Variants in FABP12 observed in about 807,000 individuals in gnomAD.
FABP12 encodes the protein fatty acid-binding protein 12.
In FABP12, 19 loss-of-function variants were observed where a neutral mutation model predicts 13.7. The ratio of observed to expected loss-of-function variants is 1.39; its 90% CI spans 0.97 to 2.04. FABP12 has a LOEUF of 2.04. Among genes scored for constraint, FABP12 ranks in the 30% most tolerant of loss-of-function variants. The probability of loss-of-function intolerance (pLI) is 0.00; values close to 1 mark genes in which losing one functional copy is unlikely to be tolerated. For missense variants in FABP12, 182 were observed against 164.2 expected (o/e 1.11, Z -0.59); for synonymous variants, 61 against 57.0 (o/e 1.07, Z -0.32).
intron 1 of FABP12, among the ~76,000 whole-genome samples, chr8:81,585,388 G>T (rs1253916096): frequency 6.6e-6 from 1 of 152,068 alleles, no homozygotes; most frequent in African/African-American, 2.4e-5. Flanking sequence ...AAATGAGTTG[G>T]CTGTAAATAT....
At chr8:81,546,457 T>A (rs1481761108) in intron 1 of FABP12, among the ~76,000 whole-genome samples, 2 of 148,716 alleles carry the variant, frequency 1.3e-5, no homozygotes, top group East Asian at 4.0e-4. Context: ...ATGTAGACCA[T>A]CCTGGCTAAC....
At position 81,559,028 on chromosome 8, in the gene FABP12, A is replaced by C. The variant is rs377441011; in HGVS notation, c.-184-19285T>G. 2.6e-5 allele frequency among the ~76,000 whole-genome samples: 4 copies of C among 152,136 alleles called. No homozygotes were observed. The South Asian group carries it at 6.2e-4, about 24-fold the overall frequency. On this transcript the variant is annotated intron_variant, in intron 1 of 5. Coordinates refer to the FABP12 transcript ENST00000692030. Reference sequence around the variant, plus strand: ...ACCTCCAAACTTACACACTACACTCAGCCAAACACAAACTTGATCTGAGAA... The same window carrying C: ...ACCTCCAAACTTACACACTACACTCCGCCAAACACAAACTTGATCTGAGAA...
intron 1 of FABP12, among the ~76,000 whole-genome samples, chr8:81,553,019 T>A (rs189730337): frequency 1.3e-5 from 2 of 152,276 alleles, no homozygotes; most frequent in East Asian, 3.9e-4. Context: ...GATTTGTGAA[T>A]CTTTAATGTA....
chr8:81,539,749 G>A (rs1809301095), intron 1 of FABP12, among the ~76,000 whole-genome samples: 1 of 152,130 alleles, frequency 6.6e-6, no homozygotes, highest in Non-Finnish European at 1.5e-5. Flanking sequence ...AATTCCTGGA[G>A]GGATGAATAA....
rs372838209 is a variant in FABP12, at chr8:81,545,124, G to A, written c.-184-5381C>T. Among the ~76,000 whole-genome samples, 6 of 152,236 alleles carry A rather than the reference G, an allele frequency of 3.9e-5. No individual in the cohort carries two copies. In the East Asian group the frequency reaches 5.8e-4, roughly 15 times the overall value. ...CAACCTCCACCTCTCGGGTTCAAGC[G>A]ATTCTCCTGCCTCAGCCTCCCAAAT... On this transcript the variant is annotated intron_variant, in intron 1 of 5. Coordinates refer to the FABP12 transcript ENST00000692030.
chr8:81,566,527 C>T (rs1809823874), intron 1 of FABP12, among the ~76,000 whole-genome samples: 1 of 152,020 alleles, frequency 6.6e-6, no homozygotes, highest in African/African-American at 2.4e-5. Context: ...GCAAATCAAT[C>T]AGTGTGGTAC....
At chr8:81,527,370 C>CT (rs61074668) in intron 3 of FABP12, among the ~76,000 whole-genome samples, 41 of 151,058 alleles carry the variant, frequency 2.7e-4, no homozygotes, top group Middle Eastern at 3.4e-3. Flanking sequence ...CTTTCTTTTT[C>CT]TTTTTTTTTG....
chr8:81,532,725 G>A (rs1055780238), intron 1 of FABP12, among the ~76,000 whole-genome samples: 1 of 152,208 alleles, frequency 6.6e-6, no homozygotes, highest in African/African-American at 2.4e-5. Flanking sequence ...GGAGGCTGAG[G>A]CAGAAGAATC....
chr8:81,556,704 A>T (rs866206245), intron 1 of FABP12, among the ~76,000 whole-genome samples: 13 of 148,452 alleles, frequency 8.8e-5, no homozygotes, highest in African/African-American at 2.9e-4. Flanking sequence ...ATATGTGGCT[A>T]TCAAACCTTA....
intron 1 of FABP12, among the ~76,000 whole-genome samples, chr8:81,548,702 C>T (rs1809476448): frequency 6.6e-6 from 1 of 152,074 alleles, no homozygotes; most frequent in Non-Finnish European, 1.5e-5. Flanking sequence ...TGGTAATCAT[C>T]AGGAGAGAAT....
rs1808857966 is a variant in FABP12, at chr8:81,525,133, A to T, written c.349-13T>A. The T allele has an allele frequency of 6.6e-7, 1 of 1,510,732 alleles. No homozygotes were observed. Among genetic ancestry groups the T allele is most frequent in the Non-Finnish European group, 9.1e-7 (1 of 1,100,222 alleles). The allele number at this position is 1,510,732 out of a possible 1,614,324, so 93.6% of individuals were successfully genotyped here. A position where few individuals can be genotyped will look rare whatever the true frequency, so the allele number is the denominator to read the frequency against. On this transcript the variant is annotated splice_polypyrimidine_tract_variant and intron_variant, in intron 4 of 4. Coordinates refer to ENST00000360464, the Ensembl canonical transcript of FABP12. ...TCACAGTACTTTCCTACAAGACAAAAGAAATATGAGGTATTTCAGTATAGT... is the reference window on the plus strand; with the variant it reads ...TCACAGTACTTTCCTACAAGACAAATGAAATATGAGGTATTTCAGTATAGT...
At chr8:81,525,674 G>A (rs1219879821) in intron 4 of FABP12, among the ~76,000 whole-genome samples, 1 of 151,780 alleles carries the variant, frequency 6.6e-6, no homozygotes, top group Non-Finnish European at 1.5e-5. Context: ...GTATATTTCG[G>A]GTATATATAA....
upstream of FABP12, among the ~76,000 whole-genome samples, chr8:81,537,214 A>G (rs1379938255): frequency 6.6e-6 from 1 of 151,722 alleles, no homozygotes; most frequent in Non-Finnish European, 1.5e-5. Flanking sequence ...TATTTTTAAA[A>G]TCACTCTAAG....
intron 1 of FABP12, among the ~76,000 whole-genome samples, chr8:81,554,129 C>T (rs1809569232): frequency 6.6e-6 from 1 of 152,168 alleles, no homozygotes; most frequent in Admixed American, 6.5e-5. Context: ...GTTTATGATA[C>T]AGCTATCTTG....
chr8:81,565,825 G>A (rs1002599630), intron 1 of FABP12, among the ~76,000 whole-genome samples: 3 of 151,774 alleles, frequency 2.0e-5, no homozygotes, highest in Admixed American at 1.3e-4. Context: ...AAAGATCAGA[G>A]CAGAAATAAA....
At chr8:81,569,534 C>T (rs1809886483) in intron 1 of FABP12, among the ~76,000 whole-genome samples, 1 of 151,980 alleles carries the variant, frequency 6.6e-6, no homozygotes, top group African/African-American at 2.4e-5. Flanking sequence ...GAGTTGAGCA[C>T]AAAAAGAGAG....
intron 1 of FABP12, among the ~76,000 whole-genome samples, chr8:81,540,286 C>A (rs1024341848): frequency 6.6e-6 from 1 of 152,206 alleles, no homozygotes; most frequent in Admixed American, 6.5e-5. Flanking sequence ...ATATGAGAAC[C>A]ATTGACCACA....
At chr8:81,553,949 G>A (rs1279277875) in intron 1 of FABP12, among the ~76,000 whole-genome samples, 1 of 152,154 alleles carries the variant, frequency 6.6e-6, no homozygotes, top group Non-Finnish European at 1.5e-5. Flanking sequence ...CAAAGATGCA[G>A]CACGCAGAGA....
At chr8:81,561,119 T>C (rs1379605395) in intron 1 of FABP12, among the ~76,000 whole-genome samples, 1 of 152,240 alleles carries the variant, frequency 6.6e-6, no homozygotes, top group Admixed American at 6.5e-5. Flanking sequence ...CAGAATTTTT[T>C]CTTCCTAGTC....
Sources: gnomAD v4.1 joint callset for allele counts (sites outside exome capture counted in the v4.1 genomes callset) on GRCh38, gnomAD v4.1.1 for gene constraint, MANE v1.5 for transcripts, NCBI Gene and HGNC (gene_info 2026-07-23, HGNC 2026-07-21) for gene names.